TFEC: variants seen among roughly 807,000 people sequenced by gnomAD.
TFEC encodes the protein class E basic helix-loop-helix protein 34.
Under a neutral mutation model 41.6 loss-of-function variants are expected in TFEC, and 31 were observed. That is an observed-to-expected ratio of 0.74 (90% CI 0.56 to 1.01). The LOEUF (loss-of-function observed/expected upper bound fraction) is 1.01. Among genes scored for constraint, TFEC ranks in the 50% least tolerant of loss-of-function variants. The pLI is 0.00. For synonymous variants in TFEC, 143 were observed against 140.6 expected (o/e 1.02, Z -0.12); for missense variants, 402 against 404.1 (o/e 0.99, Z 0.04).
At chr7:116,081,658 C>T (rs912584988) in intron 3 of TFEC, among the ~76,000 whole-genome samples, 1 of 152,026 alleles carries the variant, frequency 6.6e-6, no homozygotes, top group Non-Finnish European at 1.5e-5. Flanking sequence ...TCCAAAGTTC[C>T]CACTATAGCT....
intron 3 of TFEC, among the ~76,000 whole-genome samples, chr7:116,079,686 T>C (rs10271395): frequency 0.29 from 44,639 of 151,768 alleles, 6,972 homozygotes; most frequent in East Asian, 0.47. Context: ...ATGGATGACA[T>C]AAACAAATGG....
intron 1 of TFEC, among the ~76,000 whole-genome samples, chr7:115,997,651 C>T (rs1166173925): frequency 6.6e-6 from 1 of 152,006 alleles, no homozygotes; most frequent in African/African-American, 2.4e-5. Context: ...GATATATGAC[C>T]TTTCAGGCAA....
intron 3 of TFEC, chr7:115,968,123 T>C: frequency 6.8e-7 from 1 of 1,461,784 alleles, no homozygotes; most frequent in Non-Finnish European, 9.0e-7. Flanking sequence ...AAAGTTTAAA[T>C]TCAGTATTTA....
intron 3 of TFEC, among the ~76,000 whole-genome samples, chr7:115,962,366 G>C (rs1273296690): frequency 6.6e-6 from 1 of 151,602 alleles, no homozygotes; most frequent in African/African-American, 2.4e-5. Flanking sequence ...AAATCTCAAG[G>C]GACCCTGCAG....
At chr7:116,012,722 GA>G (rs1795045883) in intron 1 of TFEC, among the ~76,000 whole-genome samples, 1 of 148,246 alleles carries the variant, frequency 6.7e-6, no homozygotes. Context: ...AGCCTATTCA[GA>G]TATTAAAAAA....
At chr7:116,102,073 T>C (rs1797617501) in intron 3 of TFEC, among the ~76,000 whole-genome samples, 2 of 152,190 alleles carry the variant, frequency 1.3e-5, no homozygotes, top group African/African-American at 4.8e-5. Flanking sequence ...TAATCAACCC[T>C]TAATTATTAA....
intron 3 of TFEC, among the ~76,000 whole-genome samples, chr7:115,970,785 G>T (rs1793098558): frequency 6.6e-6 from 1 of 151,878 alleles, no homozygotes; most frequent in South Asian, 2.1e-4. Context: ...CTCTCACCAT[G>T]TGACACTCTG....
intron 3 of TFEC, among the ~76,000 whole-genome samples, chr7:116,099,632 T>C (rs1293260069): frequency 6.6e-6 from 1 of 152,150 alleles, no homozygotes; most frequent in Non-Finnish European, 1.5e-5. Context: ...AAACAAGACT[T>C]TTGAGTGAAG....
At chr7:116,113,932 C>A (rs536990269) in intron 1 of TFEC, among the ~76,000 whole-genome samples, 7 of 152,044 alleles carry the variant, frequency 4.6e-5, no homozygotes, top group African/African-American at 1.7e-4. Flanking sequence ...GGACACAGAA[C>A]CTTTCATTCA....
chr7:115,971,689 G>A (rs899786345), intron 3 of TFEC, among the ~76,000 whole-genome samples: 1 of 151,890 alleles, frequency 6.6e-6, no homozygotes, highest in Non-Finnish European at 1.5e-5. Flanking sequence ...CACCAGAATT[G>A]GTTTAAATTA....
chr7:116,158,335 G>T (rs1053475011), intron 1 of TFEC, among the ~76,000 whole-genome samples: 19 of 151,734 alleles, frequency 1.3e-4, no homozygotes, highest in African/African-American at 4.6e-4. Context: ...AAAACTCTTT[G>T]TAGCTTTAAA....
chr7:116,117,095 T>C (rs753177754), intron 1 of TFEC, among the ~76,000 whole-genome samples: 2 of 151,892 alleles, frequency 1.3e-5, no homozygotes, highest in Non-Finnish European at 2.9e-5. Flanking sequence ...ACCACTCTGT[T>C]GGACCCACAA....
chr7:116,107,522 C>A (rs1157358819), intron 3 of TFEC, among the ~76,000 whole-genome samples: 1 of 152,152 alleles, frequency 6.6e-6, no homozygotes, highest in African/African-American at 2.4e-5. Flanking sequence ...AGGAGCTGGT[C>A]TGAGAACAAA....
intron 1 of TFEC, among the ~76,000 whole-genome samples, chr7:116,016,121 T>C (rs149376985): frequency 2.0e-5 from 3 of 152,248 alleles, no homozygotes; most frequent in East Asian, 1.9e-4. Flanking sequence ...AAAGCTAATG[T>C]AGGATAGAGT....
At chr7:116,032,596 T>C (rs1189721786), upstream of TFEC, among the ~76,000 whole-genome samples, 4 of 152,122 alleles carry the variant, frequency 2.6e-5, no homozygotes, top group East Asian at 7.7e-4. Context: ...AAACCAAATA[T>C]TGCATCTTCT....
intron 5 of TFEC, among the ~76,000 whole-genome samples, chr7:115,951,336 T>C (rs1791930831): frequency 6.6e-6 from 1 of 152,078 alleles, no homozygotes; most frequent in Non-Finnish European, 1.5e-5. Flanking sequence ...CTCTTTACTC[T>C]TCTCATATAC....
intron 2 of TFEC, 28 bp from the exon 3 acceptor site, chr7:115,974,284 T>C: frequency 1.4e-6 from 2 of 1,473,048 alleles, no homozygotes; most frequent in South Asian, 1.5e-5. Flanking sequence ...ATTTAGAATA[T>C]TGTACATAAT....
chr7:116,061,911 G>A (rs569703853), intron 3 of TFEC, among the ~76,000 whole-genome samples: 2 of 152,088 alleles, frequency 1.3e-5, no homozygotes, highest in African/African-American at 4.8e-5. Flanking sequence ...TATTTATTAG[G>A]ATGACTAAAA....
intron 3 of TFEC, among the ~76,000 whole-genome samples, chr7:116,105,510 C>T (rs1797696710): frequency 6.6e-6 from 1 of 152,168 alleles, no homozygotes; most frequent in Non-Finnish European, 1.5e-5. Context: ...CCTGCAGGCC[C>T]CCAGTGGATG....
Sources: allele counts gnomAD v4.1 joint callset (sites outside exome capture counted in the v4.1 genomes callset), GRCh38; gene constraint gnomAD v4.1.1; transcripts MANE v1.5; gene names NCBI Gene and HGNC (gene_info 2026-07-23, HGNC 2026-07-21).